RNF128: variants seen among roughly 807,000 people sequenced by gnomAD.
RNF128 encodes the protein E3 ubiquitin-protein ligase RNF128.
A neutral mutation model predicts 26.2 loss-of-function variants in RNF128; 13 were observed. That is an observed-to-expected ratio of 0.50 (90% CI 0.32 to 0.79). The LOEUF (loss-of-function observed/expected upper bound fraction) is 0.79, where lower values mean the gene tolerates loss of function less well. Ranked by LOEUF, RNF128 falls within the 30% of genes least tolerant of loss-of-function variation. The probability of loss-of-function intolerance (pLI) is 0.03; values close to 1 mark genes in which losing one functional copy is unlikely to be tolerated. For synonymous variants in RNF128, 149 were observed against 142.5 expected, an observed-to-expected ratio of 1.05 and a Z score of -0.32; for missense variants, 315 against 349.7, an observed-to-expected ratio of 0.90 and a Z score of 0.79.
upstream of RNF128, among the ~76,000 whole-genome samples, chrX:106,726,060 A>C (rs1359175533): frequency 8.9e-6 from 1 of 112,547 alleles, no homozygotes; most frequent in African/African-American, 3.2e-5. Context: ...ATGCAGAAGA[A>C]AGGCTTGGTT....
At chrX:106,788,773 A>G (rs1249642063) in intron 4 of RNF128, among the ~76,000 whole-genome samples, 4 of 72,210 alleles carry the variant, frequency 5.5e-5, no homozygotes, top group Non-Finnish European at 9.4e-5. Context: ...TATATACTAT[A>G]TATAATACAT....
intron 1 of RNF128, among the ~76,000 whole-genome samples, chrX:106,718,204 A>G (rs1427150505): frequency 8.9e-6 from 1 of 112,078 alleles, no homozygotes; most frequent in Non-Finnish European, 1.9e-5. Flanking sequence ...TACCTCCATC[A>G]TCACCTAAGA....
chrX:106,738,284 A>T (rs1166303676), intron 1 of RNF128, among the ~76,000 whole-genome samples: 1 of 111,617 alleles, frequency 9.0e-6, no homozygotes, highest in East Asian at 2.8e-4. Flanking sequence ...ATTTTCCATG[A>T]TATTATAAAT....
intron 2 of RNF128, among the ~76,000 whole-genome samples, chrX:106,773,589 A>G (rs1930414306): frequency 9.0e-6 from 1 of 111,453 alleles, no homozygotes; most frequent in South Asian, 3.8e-4. Flanking sequence ...ATTATTTTAT[A>G]TGTACGTCTG....
chrX:106,735,130 T>C (rs1239595192), intron 1 of RNF128, among the ~76,000 whole-genome samples: 1 of 111,456 alleles, frequency 9.0e-6, no homozygotes, highest in Non-Finnish European at 1.9e-5. Flanking sequence ...TTACCGATAG[T>C]CTTAGTGCAA....
chrX:106,735,103 G>A (rs776553280), intron 1 of RNF128, among the ~76,000 whole-genome samples: 18 of 111,396 alleles, frequency 1.6e-4, no homozygotes, highest in Admixed American at 2.9e-4. Context: ...ACCATAGCAC[G>A]TAGTTACTGC....
chrX:106,729,656 A>G (rs2147669304), intron 1 of RNF128, among the ~76,000 whole-genome samples: 1 of 111,647 alleles, frequency 9.0e-6, no homozygotes, highest in South Asian at 3.7e-4. Context: ...AAACAATATT[A>G]TCTGAGATAA....
chrX:106,747,910 G>C (rs1317970731), intron 1 of RNF128, among the ~76,000 whole-genome samples: 5 of 111,722 alleles, frequency 4.5e-5, no homozygotes, highest in Non-Finnish European at 9.4e-5. Context: ...TGTGTAGAGG[G>C]CAGGGACTGC....
At chrX:106,795,037 T>C (rs1255750849) in intron 6 of RNF128, among the ~76,000 whole-genome samples, 2 of 111,962 alleles carry the variant, frequency 1.8e-5, no homozygotes, top group African/African-American at 3.2e-5. Flanking sequence ...AATACTGTTT[T>C]CCAAAGTTAT....
chrX:106,699,859 G>A (rs1456857288), intron 1 of RNF128, among the ~76,000 whole-genome samples: 1 of 110,814 alleles, frequency 9.0e-6, no homozygotes, highest in East Asian at 2.8e-4. Flanking sequence ...CACCACCATC[G>A]TTATCACACA....
chrX:106,774,117 G>A (rs1231202388), intron 2 of RNF128, among the ~76,000 whole-genome samples: 3 of 111,189 alleles, frequency 2.7e-5, no homozygotes, highest in Non-Finnish European at 5.7e-5. Flanking sequence ...TGCTACCCAG[G>A]AATCACACTA....
intron 3 of RNF128, among the ~76,000 whole-genome samples, chrX:106,786,437 A>G (rs1930659932): frequency 1.8e-5 from 2 of 111,828 alleles, no homozygotes; most frequent in South Asian, 3.7e-4. Flanking sequence ...CATTCTTCAT[A>G]CCCTATGTAA....
intron 1 of RNF128, among the ~76,000 whole-genome samples, chrX:106,705,746 G>A (rs1929033164): frequency 8.9e-6 from 1 of 111,925 alleles, no homozygotes; most frequent in South Asian, 3.7e-4. Flanking sequence ...AGCAAGATTA[G>A]CTGCAGTTGG....
intron 1 of RNF128, among the ~76,000 whole-genome samples, chrX:106,750,207 A>G (rs771664653): frequency 1.8e-5 from 2 of 112,246 alleles, no homozygotes; most frequent in East Asian, 5.7e-4. Flanking sequence ...GGAAACTGGC[A>G]CACACTACAC....
chrX:106,782,240 G>A (rs1216150126), intron 2 of RNF128, among the ~76,000 whole-genome samples: 2 of 112,394 alleles, frequency 1.8e-5, no homozygotes, highest in Admixed American at 1.9e-4. Context: ...AGCACAAAGA[G>A]CAAAACGATT....
At chrX:106,772,781 C>T in intron 1 of RNF128, 132 bp from the exon 2 acceptor site, 1 of 685,063 alleles carries the variant, frequency 1.5e-6, no homozygotes, top group South Asian at 3.2e-5. Flanking sequence ...AGTAGGTGCT[C>T]AAAAATGTTA....
At chrX:106,761,198 T>C (rs1032194539) in intron 1 of RNF128, among the ~76,000 whole-genome samples, 10 of 111,888 alleles carry the variant, frequency 8.9e-5, no homozygotes, top group Admixed American at 8.6e-4. Context: ...ATCAGATTAC[T>C]AGAGAAATAC....
intron 2 of RNF128, among the ~76,000 whole-genome samples, chrX:106,783,324 TTTGTAGC>T (rs1930596392): frequency 1.8e-5 from 2 of 111,888 alleles, no homozygotes; most frequent in Non-Finnish European, 3.8e-5. Flanking sequence ...GCTACAAATA[TTTGTAGC>T]ATTTGTAGCA....
intron 1 of RNF128, among the ~76,000 whole-genome samples, chrX:106,728,050 G>C (rs751803593): frequency 9.0e-6 from 1 of 111,380 alleles, no homozygotes; most frequent in South Asian, 3.9e-4. Context: ...AAAAAGAAGA[G>C]GTTTCTGCAT....
Sources: gnomAD v4.1 joint callset for allele counts (sites outside exome capture counted in the v4.1 genomes callset) on GRCh38, gnomAD v4.1.1 for gene constraint, MANE v1.5 for transcripts, NCBI Gene and HGNC (gene_info 2026-07-23, HGNC 2026-07-21) for gene names.